The following FANCA variants were observed in gnomAD, a reference collection of about 807,000 sequenced individuals.
The protein encoded by FANCA is Fanconi anemia group A protein.
FANCA carries 236 observed loss-of-function variants against 194.3 expected under a neutral mutation model. The observed-to-expected ratio is 1.21, with a 90% CI of 1.09 to 1.35. The LOEUF is 1.35. Among genes scored for constraint, FANCA ranks in the 40% most tolerant of loss-of-function variants. The pLI is 0.00. For missense variants in FANCA, 2,628 were observed against 1,813.9 expected (o/e 1.45, Z -8.15); for synonymous variants, 1,014 against 715.8 (o/e 1.42, Z -6.65).
rs150836356 is a variant in FANCA, at chr16:89,784,974, G to A, written c.1360-10C>T. The A allele has an allele frequency of 4.4e-6, 7 of 1,605,594 alleles. No individual in the cohort carries two copies. Among genetic ancestry groups the A allele is most frequent in the Admixed American group, 1.7e-5 (1 of 59,856 alleles). On this transcript the variant is annotated splice_polypyrimidine_tract_variant and intron_variant, in intron 14 of 42. Transcript: ENST00000389301. ...TGCTCCCAAAGGAGGCCTGTGTGGA[G>A]AGAAGAGCGTGAAGCCCAGGACAGC...
intron 10 of FANCA, among the ~76,000 whole-genome samples, chr16:89,796,742 G>A (rs921147238): frequency 6.6e-6 from 1 of 152,210 alleles, no homozygotes; most frequent in African/African-American, 2.4e-5. Flanking sequence ...CAAGGGTCCA[G>A]CCGGGCACGG....
At chr16:89,786,461 G>C (rs1476259170) in intron 14 of FANCA, among the ~76,000 whole-genome samples, 1 of 152,064 alleles carries the variant, frequency 6.6e-6, no homozygotes, top group Non-Finnish European at 1.5e-5. Flanking sequence ...ACAGACATGA[G>C]CCACCACGTC....
Position 89,798,666 on chromosome 16 carries a change from A to G in FANCA, c.893+500T>C, listed in dbSNP as rs566310103. ...TCCCGACCTGTAAGGGTCTCCGCAC[A>G]TCTCCACAGAGCCATGGAGAGAAAA... On this transcript the variant is annotated intron_variant, in intron 10 of 42. Transcript: ENST00000389301. 4 of 1,254,808 alleles carry G rather than the reference A, an allele frequency of 3.2e-6. No individual in the cohort carries two copies. The South Asian group carries it at 7.1e-5, about 22-fold the overall frequency. 77.7% of individuals were successfully genotyped at this position (1,254,808 alleles called of 1,614,324 possible). A position where few individuals can be genotyped will look rare whatever the true frequency, so the allele number is the denominator to read the frequency against.
At position 89,749,753 on chromosome 16, in the gene FANCA, C is replaced by G. The variant is rs753298211; in HGVS notation, c.3216G>C (p.Gln1072His). Residue 1072 changes from glutamine (Q) to histidine (H), a missense_variant, in exon 32 of 43, where the codon CAG (glutamine) becomes CAC (histidine). Physicochemically the swap from Gln to His is conservative, Grantham distance 24. Transcript: ENST00000389301. ...GWSVAASLQR[Q>H]RELLMYKRIL... ...ACCGTTTGTACATTAGCAGCTCCCT[C>G]TGTCTCTGAAGGCTGGCAGCCACGC... is the stretch of plus-strand genomic sequence containing the variant. 6.2e-7 allele frequency: 1 copy of G among 1,614,158 alleles called. No homozygotes were observed. Among genetic ancestry groups the G allele is most frequent in the Non-Finnish European group, 8.5e-7 (1 of 1,179,988 alleles).
intron 42 of FANCA, 30 bp downstream of exon 42, chr16:89,738,852 C>A (rs747975371): frequency 1.9e-6 from 3 of 1,614,228 alleles, no homozygotes; most frequent in East Asian, 2.2e-5. Context: ...ATGTCCCCCA[C>A]ATGGCCCAAG....
chr16:89,802,532 G>C (rs1318395632), intron 8 of FANCA, among the ~76,000 whole-genome samples: 1 of 152,088 alleles, frequency 6.6e-6, no homozygotes, highest in Non-Finnish European at 1.5e-5. Flanking sequence ...CTCCTGAGTG[G>C]CTGGGTCCAC....
At chr16:89,775,838 A>G (rs1274992072) in intron 20 of FANCA, 23 bp from the exon 21 acceptor site, 2 of 1,550,320 alleles carry the variant, frequency 1.3e-6, no homozygotes, top group Admixed American at 1.7e-5. Flanking sequence ...AAAACAATAC[A>G]ATTAAGTCAG....
At chr16:89,752,930 C>T (rs2038647245) in intron 30 of FANCA, among the ~76,000 whole-genome samples, 1 of 152,168 alleles carries the variant, frequency 6.6e-6, no homozygotes, top group South Asian at 2.1e-4. Flanking sequence ...GCTCCTCCAC[C>T]TCTTGTGGAG....
At chr16:89,758,275 C>T (rs906696421) in intron 30 of FANCA, among the ~76,000 whole-genome samples, 11 of 152,144 alleles carry the variant, frequency 7.2e-5, no homozygotes, top group African/African-American at 2.7e-4. Flanking sequence ...ACTTTGCATA[C>T]CAAAATTGGA....
chr16:89,782,011 A>C (rs1238834858), intron 17 of FANCA, among the ~76,000 whole-genome samples: 3 of 151,938 alleles, frequency 2.0e-5, no homozygotes, highest in Non-Finnish European at 4.4e-5. Flanking sequence ...CATCTCAAAA[A>C]AAAAAAAGAA....
At chr16:89,747,536 T>C (rs1435637805) in intron 33 of FANCA, among the ~76,000 whole-genome samples, 1 of 151,928 alleles carries the variant, frequency 6.6e-6, no homozygotes, top group Non-Finnish European at 1.5e-5. Context: ...TCATCTCTAC[T>C]AAAAATACAA....
rs1047794894 is a variant in FANCA at position 89,778,992 on chromosome 16, C to G, written c.1727G>C (p.Arg576Thr). Residue 576 changes from arginine to threonine, a missense_variant, in exon 19 of 43, where the codon AGG becomes ACG. By Grantham distance (71) the Arg-to-Thr change is moderately conservative (BLOSUM62 -1). Coordinates refer to ENST00000389301, the MANE Select transcript of FANCA (RefSeq NM_000135.4). The part of the protein sequence containing the change: ...VTVMEASIFR[R>T]PYYVSHFLPA... ...GAGGAAGTGGGACACGTAGTAAGGC[C>G]TCCTGAATATGCTGCAACACAGAGA... 1 of 1,613,660 alleles carries G rather than the reference C, an allele frequency of 6.2e-7. No individual in the cohort carries two copies. The highest frequency in any genetic ancestry group is 1.7e-5 in the Admixed American group (1 of 60,012).
At chr16:89,790,878 G>T (rs1486758406) in intron 14 of FANCA, among the ~76,000 whole-genome samples, 1 of 151,764 alleles carries the variant, frequency 6.6e-6, no homozygotes, top group African/African-American at 2.4e-5. Context: ...CACCCAGGCT[G>T]GCGTACAGTG....
At chr16:89,793,040 T>C (rs1437533657) in intron 11 of FANCA, among the ~76,000 whole-genome samples, 1 of 152,156 alleles carries the variant, frequency 6.6e-6, no homozygotes, top group Non-Finnish European at 1.5e-5. Flanking sequence ...ACTAGGAGCG[T>C]GACCACTGAA....
intron 17 of FANCA, among the ~76,000 whole-genome samples, chr16:89,781,618 G>A (rs1402705593): frequency 6.6e-6 from 1 of 150,784 alleles, no homozygotes; most frequent in African/African-American, 2.4e-5. Context: ...GGAGCTTGCA[G>A]TAAGCTGAGA....
chr16:89,766,169 G>T (rs947543379), intron 27 of FANCA, among the ~76,000 whole-genome samples: 3 of 150,850 alleles, frequency 2.0e-5, no homozygotes, highest in Non-Finnish European at 3.0e-5. Context: ...GCTAATTTTT[G>T]TATTTTTAGT....
In FANCA at chr16:89,757,372, G is replaced by A. The variant is rs532882688; in HGVS notation, c.2981+1205C>T. ...AAGAAGTCACCCACGATGGAGGTGC[G>A]TCAGCCTCCATACCTTCTGTGAGCA... On this transcript the variant is annotated intron_variant, in intron 30 of 42. Coordinates refer to ENST00000389301, the MANE Select transcript of FANCA (RefSeq NM_000135.4). Among the ~76,000 whole-genome samples the A allele has an allele frequency of 1.8e-4, 27 of 152,288 alleles. 1 individual carries two copies. In the South Asian group the frequency reaches 5.6e-3, roughly 32 times the overall value.
intron 36 of FANCA, among the ~76,000 whole-genome samples, chr16:89,744,123 G>C (rs372281752): frequency 3.9e-5 from 6 of 152,170 alleles, no homozygotes; most frequent in African/African-American, 1.4e-4. Flanking sequence ...TCAAACTCCT[G>C]ACCTCAGGTG....
rs556907805 is a variant in FANCA, at chr16:89,737,621, A to G, written c.*980T>C. On this transcript the variant is annotated 3_prime_UTR_variant, in exon 43 of 43. Coordinates refer to ENST00000389301, the MANE Select transcript of FANCA (RefSeq NM_000135.4). Reference sequence around the variant, plus strand: ...CACACAGCTGATGAAGCCACGTGACAGTGTATAAAGCAGTTTAAAGATCTT... The same window carrying G: ...CACACAGCTGATGAAGCCACGTGACGGTGTATAAAGCAGTTTAAAGATCTT... The G allele has an allele frequency of 1.8e-6, 2 of 1,142,246 alleles. No individual in the cohort carries two copies. Among genetic ancestry groups the G allele is most frequent in the East Asian group, 5.3e-5 (2 of 37,926 alleles). The allele number at this position is 1,142,246 out of a possible 1,614,324, so 70.8% of individuals were successfully genotyped here. A position where few individuals can be genotyped will look rare whatever the true frequency, so the allele number is the denominator to read the frequency against.
Sources: allele counts gnomAD v4.1 joint callset (sites outside exome capture counted in the v4.1 genomes callset), GRCh38; gene constraint gnomAD v4.1.1; transcripts MANE v1.5; gene names NCBI Gene and HGNC (gene_info 2026-07-23, HGNC 2026-07-21).